Variants in UGGT1 observed in about 807,000 individuals in gnomAD.
UGGT1 encodes the protein UDP-glucose:glycoprotein glucosyltransferase 1.
Under a neutral mutation model 203.9 loss-of-function variants are expected in UGGT1, and 107 were observed. The ratio of observed to expected loss-of-function variants is 0.52; its 90% CI spans 0.45 to 0.62. The LOEUF is 0.62. UGGT1 is among the 20% of genes least tolerant of loss of function. The pLI, the probability that UGGT1 is intolerant of heterozygous loss-of-function variation, is 0.00. For missense variants in UGGT1, 1,673 were observed against 1,867.2 expected (o/e 0.90, Z 1.92); for synonymous variants, 628 against 653.5 (o/e 0.96, Z 0.59).
In UGGT1 at chr2:128,155,484, C is replaced by G; in HGVS notation, c.2138-5C>G. On this transcript the variant is annotated splice_polypyrimidine_tract_variant and splice_region_variant and intron_variant, in intron 19 of 40. Transcript: ENST00000259253. ...AATATATACGTATTTCATTTTTTCT[C>G]CCAGATAACTTCTTTGTGGATGATT... 1 of 1,607,440 alleles carries G rather than the reference C, an allele frequency of 6.2e-7. No individual in the cohort carries two copies. Among genetic ancestry groups the G allele is most frequent in the Non-Finnish European group, 8.5e-7 (1 of 1,176,282 alleles).
At chr2:128,112,952 A>C in intron 5 of UGGT1, 132 bp from the exon 6 acceptor site, 1 of 772,414 alleles carries the variant, frequency 1.3e-6, no homozygotes, top group Non-Finnish European at 1.9e-6. Flanking sequence ...AATATTTAAG[A>C]TCATGCTACC....
intron 2 of UGGT1, among the ~76,000 whole-genome samples, chr2:128,099,635 T>G (rs1687274886): frequency 6.6e-6 from 1 of 152,176 alleles, no homozygotes; most frequent in Admixed American, 6.5e-5. Context: ...CTAGCAGACT[T>G]TCTGCTAAAT....
At chr2:128,093,919 G>A (rs1047896855) in intron 1 of UGGT1, among the ~76,000 whole-genome samples, 3 of 152,198 alleles carry the variant, frequency 2.0e-5, no homozygotes, top group African/African-American at 7.2e-5. Context: ...CTCAGAGAAC[G>A]TTAGTGCCCT....
At chr2:128,131,614 G>GTTGTGTTGCA (rs954165228) in intron 13 of UGGT1, among the ~76,000 whole-genome samples, 1 of 151,334 alleles carries the variant, frequency 6.6e-6, no homozygotes, top group African/African-American at 2.5e-5. Flanking sequence ...ATTGTGTTGT[G>GTTGTGTTGCA]TTGTGTTGCA....
At chr2:128,158,195 G>T (rs61529505) in intron 22 of UGGT1, among the ~76,000 whole-genome samples, 15,625 of 152,190 alleles carry the variant, frequency 0.1, 1,657 homozygotes, top group African/African-American at 0.26. Context: ...GTAGGAGAAT[G>T]GGGAAGGAGA....
chr2:128,178,929 AG>A (rs1691542425), intron 34 of UGGT1, among the ~76,000 whole-genome samples: 1 of 152,216 alleles, frequency 6.6e-6, no homozygotes, highest in Non-Finnish European at 1.5e-5. Context: ...TGCCTTGTAA[AG>A]ATTCACAGGA....
chr2:128,159,818 A>C (rs985932376), intron 23 of UGGT1, 98 bp downstream of exon 23: 4 of 1,272,146 alleles, frequency 3.1e-6, no homozygotes, highest in Non-Finnish European at 4.4e-6. Flanking sequence ...ACGATTTGTC[A>C]TTTTAGTCCT....
At chr2:128,145,737 A>C (rs2105465840) in intron 17 of UGGT1, 66 bp from the exon 18 acceptor site, 2 of 1,383,106 alleles carry the variant, frequency 1.4e-6, no homozygotes, top group East Asian at 5.2e-5. Flanking sequence ...TAAGAAAAAT[A>C]TGCTGTGTTC....
intron 26 of UGGT1, among the ~76,000 whole-genome samples, chr2:128,165,571 C>T (rs1340042547): frequency 6.6e-6 from 1 of 152,034 alleles, no homozygotes; most frequent in Non-Finnish European, 1.5e-5. Context: ...GTGGCAGATG[C>T]CTGTAATACC....
chr2:128,194,006 G>A lies in UGGT1; in HGVS notation c.*4264G>A, dbSNP rs1344943183. 1 of 152,186 alleles carries A rather than the reference G, an allele frequency of 6.6e-6. No individual in the cohort carries two copies. The highest frequency in any genetic ancestry group is 1.5e-5 in the Non-Finnish European group (1 of 68,036). 9.4% of individuals were successfully genotyped at this position (152,186 alleles called of 1,614,324 possible). A position where few individuals can be genotyped will look rare whatever the true frequency, so the allele number is the denominator to read the frequency against. On this transcript the variant is annotated 3_prime_UTR_variant, in exon 41 of 41. Transcript: ENST00000259253. The stretch of plus-strand genomic sequence containing the variant: ...ATGGGAATGGAAATGTATTGGTAAA[G>A]CTACCTGATGGAAGCTTTCTCTTGG...
intron 14 of UGGT1, 57 bp from the exon 15 acceptor site, chr2:128,134,819 G>T: frequency 6.6e-7 from 1 of 1,511,788 alleles, no homozygotes; most frequent in Non-Finnish European, 9.1e-7. Context: ...ATTTTTCTCG[G>T]CCCACAGATA....
At chr2:128,140,994 T>A (rs924973764) in intron 16 of UGGT1, among the ~76,000 whole-genome samples, 31 of 152,010 alleles carry the variant, frequency 2.0e-4, no homozygotes, top group African/African-American at 6.3e-4. Context: ...TGGCTGCTGT[T>A]TTTTATTTCA....
At chr2:128,152,633 C>T in intron 18 of UGGT1, 151 bp from the exon 19 acceptor site, 1 of 1,048,470 alleles carries the variant, frequency 9.5e-7, no homozygotes, top group South Asian at 1.8e-5. Context: ...TCGGCAGTGA[C>T]AGGGACCAAT....
At chr2:128,119,529 C>T (rs893112606) in intron 8 of UGGT1, among the ~76,000 whole-genome samples, 4 of 152,144 alleles carry the variant, frequency 2.6e-5, no homozygotes, top group Non-Finnish European at 5.9e-5. Context: ...ATCTCTGCCC[C>T]AGATCACCTC....
chr2:128,156,505 G>A (rs1028409848), intron 21 of UGGT1, 90 bp downstream of exon 21: 3 of 975,282 alleles, frequency 3.1e-6, no homozygotes, highest in African/African-American at 3.4e-5. Context: ...ACACTTAATT[G>A]TACTGTTTCC....
chr2:128,091,267 C>T lies in UGGT1; in HGVS notation c.-91C>T, dbSNP rs370296445. 4.5e-4 allele frequency: 610 copies of T among 1,348,120 alleles called. 4 individuals are homozygous for T. The African/African-American group carries it at 7.7e-3, about 17-fold the overall frequency. 83.5% of individuals were successfully genotyped at this position (1,348,120 alleles called of 1,614,324 possible). On this transcript the variant is annotated 5_prime_UTR_variant, in exon 1 of 41. Transcript: ENST00000259253. ...GCGGGAAAGGCGCGTGTCGGCCTCT[C>T]ACTGGCGCAGCCTGCACTGCCGCTG...
chr2:128,131,906 C>T (rs953366473), intron 13 of UGGT1, among the ~76,000 whole-genome samples: 12 of 152,000 alleles, frequency 7.9e-5, no homozygotes, highest in Non-Finnish European at 1.5e-4. Context: ...GGATTACAGG[C>T]GTGAGCCACC....
intron 1 of UGGT1, among the ~76,000 whole-genome samples, chr2:128,093,214 A>G (rs1686952578): frequency 6.6e-6 from 1 of 151,842 alleles, no homozygotes; most frequent in South Asian, 2.1e-4. Flanking sequence ...CCTTTTTGAA[A>G]ACAGTGTAGG....
At chr2:128,168,837 A>G (rs1468843986) in intron 26 of UGGT1, among the ~76,000 whole-genome samples, 2 of 152,130 alleles carry the variant, frequency 1.3e-5, no homozygotes, top group Non-Finnish European at 2.9e-5. Context: ...ACTTGAGGCC[A>G]GGAGTTCAAG....
Sources: allele counts gnomAD v4.1 joint callset (sites outside exome capture counted in the v4.1 genomes callset), GRCh38; gene constraint gnomAD v4.1.1; transcripts MANE v1.5; gene names NCBI Gene and HGNC (gene_info 2026-07-23, HGNC 2026-07-21).